The following EFNA5 variants were observed in gnomAD, a reference collection of about 807,000 sequenced individuals.
EFNA5 encodes ephrin A5.
Under a neutral mutation model 22.9 loss-of-function variants are expected in EFNA5, and 5 were observed. The ratio of observed to expected loss-of-function variants is 0.22; its 90% CI spans 0.11 to 0.46. The LOEUF (loss-of-function observed/expected upper bound fraction) is 0.46. Among genes scored for constraint, EFNA5 ranks in the 20% least tolerant of loss-of-function variants. The probability of loss-of-function intolerance (pLI) is 0.99; values close to 1 mark genes in which losing one functional copy is unlikely to be tolerated. For missense variants in EFNA5, 237 were observed against 293.3 expected, an observed-to-expected ratio of 0.81 and a Z score of 1.40; for synonymous variants, 113 against 112.2, an observed-to-expected ratio of 1.01 and a Z score of -0.04.
At chr5:107,451,710 CT>C (rs1749564067) in intron 1 of EFNA5, among the ~76,000 whole-genome samples, 1 of 152,086 alleles carries the variant, frequency 6.6e-6, no homozygotes, top group Admixed American at 6.6e-5. Context: ...AAATGTCAGA[CT>C]TATCAGGAAA....
intron 1 of EFNA5, among the ~76,000 whole-genome samples, chr5:107,590,521 T>A (rs185183164): frequency 9.1e-4 from 138 of 152,140 alleles, no homozygotes; most frequent in African/African-American, 3.1e-3. Context: ...CCCAAGTAAC[T>A]GGGACTAAAG....
At chr5:107,395,763 A>G (rs1199332339) in intron 2 of EFNA5, among the ~76,000 whole-genome samples, 1 of 152,228 alleles carries the variant, frequency 6.6e-6, no homozygotes, top group African/African-American at 2.4e-5. Flanking sequence ...AAAACAAAAC[A>G]AGACAAAAAC....
rs188200397 is a variant in EFNA5 at position 107,626,843 on chromosome 5, C to G, written c.125+43646G>C. 7.2e-5 allele frequency among the ~76,000 whole-genome samples: 11 copies of G among 152,178 alleles called. No homozygotes were observed. In the East Asian group the frequency reaches 1.7e-3, roughly 24 times the overall value. On this transcript the variant is annotated intron_variant, in intron 1 of 4. Coordinates refer to ENST00000333274, the MANE Select transcript of EFNA5 (RefSeq NM_001962.3). ...TTCTTTCTTATCAGCATTTCTTTGACTTTCACAGTTGGTGGTGCCCTGAGC... is the reference window on the plus strand; with the variant it reads ...TTCTTTCTTATCAGCATTTCTTTGAGTTTCACAGTTGGTGGTGCCCTGAGC...
Position 107,377,003 on chromosome 5 carries a change from A to G in EFNA5, c.*4252T>C, listed in dbSNP as rs1290307158. On this transcript the variant is annotated 3_prime_UTR_variant, in exon 5 of 5. Coordinates refer to ENST00000333274, the MANE Select transcript of EFNA5 (RefSeq NM_001962.3). ...TTGTGTGTGGGTTTTTTTTTTTTACATTTTCTTTTACGTTTATATAATGTC... is the reference window on the plus strand; with the variant it reads ...TTGTGTGTGGGTTTTTTTTTTTTACGTTTTCTTTTACGTTTATATAATGTC... 1.3e-5 allele frequency: 2 copies of G among 150,260 alleles called. No individual in the cohort carries two copies. Among genetic ancestry groups the G allele is most frequent in the African/African-American group, 2.5e-5 (1 of 40,576 alleles). 9.3% of individuals were successfully genotyped at this position (150,260 alleles called of 1,614,324 possible). A position where few individuals can be genotyped will look rare whatever the true frequency, so the allele number is the denominator to read the frequency against.
chr5:107,523,818 T>C (rs1047914302), intron 1 of EFNA5, among the ~76,000 whole-genome samples: 1 of 152,208 alleles, frequency 6.6e-6, no homozygotes, highest in Non-Finnish European at 1.5e-5. Flanking sequence ...ATTTAGCTGG[T>C]AGGGAAGAAT....
At position 107,496,904 on chromosome 5, in the gene EFNA5, C is replaced by T. The variant is rs1392522671; in HGVS notation, c.126-69395G>A. Among the ~76,000 whole-genome samples, 4 of 152,190 alleles carry T rather than the reference C, an allele frequency of 2.6e-5. No homozygotes were observed. The East Asian group carries it at 5.8e-4, about 22-fold the overall frequency. Reference sequence around the variant, plus strand: ...CCAAGTAGACAGTTCATGTGTTTGGCTCCTAGGAGCAAGTCATATCCATTT... The same window carrying T: ...CCAAGTAGACAGTTCATGTGTTTGGTTCCTAGGAGCAAGTCATATCCATTT... On this transcript the variant is annotated intron_variant, in intron 1 of 4. Transcript: ENST00000333274.
intron 1 of EFNA5, among the ~76,000 whole-genome samples, chr5:107,643,770 A>G (rs1247068672): frequency 2.0e-5 from 3 of 152,026 alleles, no homozygotes; most frequent in Non-Finnish European, 2.9e-5. Context: ...CCCCATCAAA[A>G]AAGAGTCATG....
At chr5:107,392,254 C>T (rs1354584246) in intron 2 of EFNA5, among the ~76,000 whole-genome samples, 1 of 152,110 alleles carries the variant, frequency 6.6e-6, no homozygotes, top group Admixed American at 6.5e-5. Context: ...GCGACTGAAC[C>T]TATTAACTTG....
At chr5:107,477,685 G>C (rs1750349824) in intron 1 of EFNA5, among the ~76,000 whole-genome samples, 1 of 152,122 alleles carries the variant, frequency 6.6e-6, no homozygotes, top group African/African-American at 2.4e-5. Context: ...TGGCTATTGT[G>C]TTCTCTTGAC....
At chr5:107,420,720 T>C (rs1748634648) in intron 2 of EFNA5, among the ~76,000 whole-genome samples, 1 of 152,042 alleles carries the variant, frequency 6.6e-6, no homozygotes, top group Non-Finnish European at 1.5e-5. Flanking sequence ...AAAAACAAAA[T>C]TAGAAATTTA....
chr5:107,388,690 C>T (rs1055074282), intron 2 of EFNA5: 1 of 152,150 alleles, frequency 6.6e-6, no homozygotes, highest in African/African-American at 2.4e-5. Context: ...CTAGAAATGA[C>T]AAAAATTACA....
chr5:107,431,034 G>A (rs966952105), intron 1 of EFNA5, among the ~76,000 whole-genome samples: 11 of 151,930 alleles, frequency 7.2e-5, no homozygotes, highest in Admixed American at 3.9e-4. Context: ...TCGGCCTCCC[G>A]AAGTGCTGGG....
intron 1 of EFNA5, among the ~76,000 whole-genome samples, chr5:107,542,154 G>A (rs1748062305): frequency 6.6e-6 from 1 of 152,060 alleles, no homozygotes; most frequent in Admixed American, 6.5e-5. Context: ...CACTTTCAGG[G>A]GGAAAATAAT....
At chr5:107,400,830 C>A (rs757552365) in intron 2 of EFNA5, among the ~76,000 whole-genome samples, 7 of 152,204 alleles carry the variant, frequency 4.6e-5, no homozygotes, top group Non-Finnish European at 1.0e-4. Flanking sequence ...TATATTTCCT[C>A]TTGCTAATGC....
chr5:107,510,556 C>G (rs1474896478), intron 1 of EFNA5, among the ~76,000 whole-genome samples: 1 of 152,112 alleles, frequency 6.6e-6, no homozygotes, highest in African/African-American at 2.4e-5. Flanking sequence ...GATCTGGACC[C>G]CTTTCTGGTA....
chr5:107,629,652 A>G (rs1750205685), intron 1 of EFNA5, among the ~76,000 whole-genome samples: 1 of 152,232 alleles, frequency 6.6e-6, no homozygotes, highest in South Asian at 2.1e-4. Flanking sequence ...TTTTGCTGCA[A>G]ATCTAAAAAT....
chr5:107,504,128 C>T (rs1247925659), intron 1 of EFNA5, among the ~76,000 whole-genome samples: 2 of 152,024 alleles, frequency 1.3e-5, no homozygotes, highest in Non-Finnish European at 2.9e-5. Context: ...GGAACTCTGC[C>T]ATGCAGAGAA....
intron 1 of EFNA5, among the ~76,000 whole-genome samples, chr5:107,434,018 C>T (rs1749044181): frequency 6.6e-6 from 1 of 152,142 alleles, no homozygotes. Flanking sequence ...CAGTTGACAA[C>T]TAACTTTTCA....
At chr5:107,424,178 C>CTTTCT (rs1375225649) in intron 2 of EFNA5, among the ~76,000 whole-genome samples, 7 of 143,328 alleles carry the variant, frequency 4.9e-5, no homozygotes, top group Non-Finnish European at 7.6e-5. Flanking sequence ...AAAGCTATAG[C>CTTTCT]TTTCTTTTTT....
Sources: gnomAD v4.1 joint callset for allele counts (sites outside exome capture counted in the v4.1 genomes callset) on GRCh38, gnomAD v4.1.1 for gene constraint, MANE v1.5 for transcripts, NCBI Gene and HGNC (gene_info 2026-07-23, HGNC 2026-07-21) for gene names.